APBA1: variants seen among roughly 807,000 people sequenced by gnomAD.
APBA1 encodes amyloid beta precursor protein binding family A member 1, also known as amyloid-beta A4 precursor protein-binding family A member 1.
Under a neutral mutation model 86.6 loss-of-function variants are expected in APBA1, and 55 were observed. The ratio of observed to expected loss-of-function variants is 0.64; its 90% CI spans 0.51 to 0.80. The LOEUF (loss-of-function observed/expected upper bound fraction) is 0.80. Among genes scored for constraint, APBA1 ranks in the 30% least tolerant of loss-of-function variants. The pLI, the probability that APBA1 is intolerant of heterozygous loss-of-function variation, is 0.00. For synonymous variants in APBA1, 511 were observed against 493.9 expected, an observed-to-expected ratio of 1.03 and a Z score of -0.46; for missense variants, 1,090 against 1,183.0, an observed-to-expected ratio of 0.92 and a Z score of 1.15.
At chr9:69,469,558 G>A (rs955066441) in intron 4 of APBA1, among the ~76,000 whole-genome samples, 3 of 152,174 alleles carry the variant, frequency 2.0e-5, no homozygotes, top group Non-Finnish European at 4.4e-5. Context: ...AGCTAACACT[G>A]TGAGTGGTAC....
intron 1 of APBA1, among the ~76,000 whole-genome samples, chr9:69,612,328 G>GT (rs1013490829): frequency 6.6e-6 from 1 of 152,010 alleles, no homozygotes; most frequent in African/African-American, 2.4e-5. Flanking sequence ...TTAGGGAAAT[G>GT]TAAGTGGGAT....
intron 4 of APBA1, among the ~76,000 whole-genome samples, chr9:69,468,306 C>T (rs1373976525): frequency 6.6e-6 from 1 of 152,180 alleles, no homozygotes; most frequent in African/African-American, 2.4e-5. Context: ...TGACATTCAC[C>T]TCTGACTCTC....
intron 2 of APBA1, among the ~76,000 whole-genome samples, chr9:69,506,496 C>T (rs1180595636): frequency 1.4e-5 from 1 of 73,574 alleles, no homozygotes; most frequent in Non-Finnish European, 2.7e-5. Flanking sequence ...CGGGGAGGGG[C>T]GCCCGCCATT....
chr9:69,633,829 G>T (rs1226013418), intron 1 of APBA1, among the ~76,000 whole-genome samples: 2 of 152,208 alleles, frequency 1.3e-5, no homozygotes, highest in Non-Finnish European at 2.9e-5. Flanking sequence ...CTCCAAGGCT[G>T]CAGCTCTTAA....
In APBA1 at chr9:69,636,820, AGAGAGAGAGAGGGAGGGAGG is replaced by A. The variant is rs1211809370; in HGVS notation, c.-70+35313_-70+35332del. On this transcript the variant is annotated intron_variant, in intron 1 of 12. Coordinates refer to ENST00000265381, the MANE Select transcript of APBA1 (RefSeq NM_001163.4). ...AAAAAAAGAAGAGAGAGAGAGAGAG[AGAGAGAGAGAGGGAGGGAGG>A]GAGGGAGGGAGGGAGGGAGGGAGGG... Among the ~76,000 whole-genome samples, 131 of 30,676 alleles carry A rather than the reference AGAGAGAGAGAGGGAGGGAGG, an allele frequency of 4.3e-3. 8 individuals carry two copies. Among genetic ancestry groups the A allele is most frequent in the South Asian group, 0.04 (24 of 602 alleles). 20.1% of individuals were successfully genotyped at this position (30,676 alleles called of 152,430 possible).
rs377604682 is a variant in APBA1, at chr9:69,449,543, G to A, written c.2181+41C>T. The A allele has an allele frequency of 1.0e-5, 16 of 1,557,710 alleles. No homozygotes were observed. In the African/African-American group the frequency reaches 2.0e-4, roughly 20 times the overall value. ...ATGGGGGTCACACTTCACATCACTT[G>A]AGGTTTACCACATCAACTGATTTTT... On this transcript the variant is annotated intron_variant, in intron 10 of 12. Transcript: ENST00000265381.
chr9:69,555,369 G>A (rs921917675), intron 1 of APBA1, among the ~76,000 whole-genome samples: 1 of 152,080 alleles, frequency 6.6e-6, no homozygotes, highest in Non-Finnish European at 1.5e-5. Context: ...AGTTTTGAAG[G>A]CTGGGGCTAC....
chr9:69,476,764 T>C (rs541148397), intron 2 of APBA1, among the ~76,000 whole-genome samples: 1 of 152,314 alleles, frequency 6.6e-6, no homozygotes, highest in Admixed American at 6.5e-5. Context: ...AAATCCTTTG[T>C]CAAACGGTGT....
intron 1 of APBA1, among the ~76,000 whole-genome samples, chr9:69,568,398 C>G (rs1451112245): frequency 6.6e-6 from 1 of 152,216 alleles, no homozygotes; most frequent in Non-Finnish European, 1.5e-5. Context: ...ATGACTTAAT[C>G]TGTTATTCAA....
intron 1 of APBA1, among the ~76,000 whole-genome samples, chr9:69,601,011 A>C (rs1822340982): frequency 6.6e-6 from 1 of 152,068 alleles, no homozygotes; most frequent in Non-Finnish European, 1.5e-5. Context: ...CTATATAACT[A>C]TCAGGTATCC....
At chr9:69,538,928 T>C (rs6559625) in intron 1 of APBA1, among the ~76,000 whole-genome samples, 86,124 of 152,094 alleles carry the variant, frequency 0.57, 26,182 homozygotes, top group Non-Finnish European at 0.67. Context: ...GAGTTCCATA[T>C]TGCAATATCT....
intron 1 of APBA1, among the ~76,000 whole-genome samples, chr9:69,534,979 G>T (rs375068231): frequency 6.6e-6 from 1 of 151,642 alleles, no homozygotes; most frequent in Non-Finnish European, 1.5e-5. Context: ...TTCTTTTTCC[G>T]TAAATGACAC....
intron 1 of APBA1, among the ~76,000 whole-genome samples, chr9:69,592,551 C>T (rs185642866): frequency 2.1e-3 from 321 of 152,272 alleles, no homozygotes; most frequent in African/African-American, 7.5e-3. Flanking sequence ...GCTATGATCA[C>T]GCCACTACAT....
At chr9:69,456,479 G>A in intron 7 of APBA1, 47 bp from the exon 8 acceptor site, 1 of 1,523,462 alleles carries the variant, frequency 6.6e-7, no homozygotes, top group Non-Finnish European at 8.8e-7. Context: ...AGCATCTAAT[G>A]ACCTAAGAAA....
intron 1 of APBA1, among the ~76,000 whole-genome samples, chr9:69,559,336 T>C (rs768675871): frequency 4.6e-5 from 7 of 152,224 alleles, no homozygotes; most frequent in Admixed American, 3.9e-4. Context: ...TAAGCACCCA[T>C]GCAAATACCA....
chr9:69,487,016 CAGAA>C (rs1190765581), intron 2 of APBA1, among the ~76,000 whole-genome samples: 2 of 151,904 alleles, frequency 1.3e-5, no homozygotes, highest in Non-Finnish European at 2.9e-5. Flanking sequence ...TGGAGATCTG[CAGAA>C]AGAAACTTTT....
At chr9:69,434,005 C>T (rs1051216238) in intron 11 of APBA1, among the ~76,000 whole-genome samples, 4 of 152,122 alleles carry the variant, frequency 2.6e-5, no homozygotes, top group African/African-American at 9.7e-5. Flanking sequence ...AGAGACTGGG[C>T]TTTGCCATGT....
rs544169370 is a variant in APBA1 at position 69,464,039 on chromosome 9, C to T, written c.1482+3784G>A. 3 of 152,442 alleles carry T rather than the reference C, an allele frequency of 2.0e-5. No homozygotes were observed. The East Asian group carries it at 5.8e-4, about 29-fold the overall frequency. 9.4% of individuals were successfully genotyped at this position (152,442 alleles called of 1,614,324 possible). A position where few individuals can be genotyped will look rare whatever the true frequency, so the allele number is the denominator to read the frequency against. On this transcript the variant is annotated intron_variant, in intron 5 of 12. Coordinates refer to ENST00000265381, the MANE Select transcript of APBA1 (RefSeq NM_001163.4). ...GCGTGGCACCATCTTCCTTACAGAGCAGTGTCTCCCAAGCACATGTGGGCA... is the reference window on the plus strand; with the variant it reads ...GCGTGGCACCATCTTCCTTACAGAGTAGTGTCTCCCAAGCACATGTGGGCA...
intron 1 of APBA1, among the ~76,000 whole-genome samples, chr9:69,632,462 G>A (rs560097072): frequency 1.2e-4 from 18 of 152,112 alleles, no homozygotes; most frequent in Non-Finnish European, 2.4e-4. Context: ...TCGAGACTGT[G>A]TATGGAGGAC....
Sources: gnomAD v4.1 joint callset for allele counts (sites outside exome capture counted in the v4.1 genomes callset) on GRCh38, gnomAD v4.1.1 for gene constraint, MANE v1.5 for transcripts, NCBI Gene and HGNC (gene_info 2026-07-23, HGNC 2026-07-21) for gene names.